The following TAFA2 variants were observed in gnomAD, a reference collection of about 807,000 sequenced individuals.
TAFA2 encodes chemokine-like protein TAFA-2.
A neutral mutation model predicts 18.8 loss-of-function variants in TAFA2; 7 were observed. The ratio of observed to expected loss-of-function variants is 0.37; its 90% CI spans 0.21 to 0.70. TAFA2 has a LOEUF of 0.70. Among genes scored for constraint, TAFA2 ranks in the 30% least tolerant of loss-of-function variants. The pLI, the probability that TAFA2 is intolerant of heterozygous loss-of-function variation, is 0.53. For synonymous variants in TAFA2, 60 were observed against 54.2 expected (o/e 1.11, Z -0.47); for missense variants, 122 against 158.1 (o/e 0.77, Z 1.23).
rs117256088 is a variant in TAFA2 at position 62,156,294 on chromosome 12, A to G, written c.-2+34965T>C. Among the ~76,000 whole-genome samples, 303 of 152,334 alleles carry G rather than the reference A, an allele frequency of 2.0e-3. 1 individual carries two copies. The highest frequency in any genetic ancestry group is 3.9e-3 in the Non-Finnish European group (267 of 68,026). On this transcript the variant is annotated intron_variant, in intron 1 of 4. Transcript: ENST00000416284. Reference sequence around the variant, plus strand: ...GTCCATAATCAAAACATCTAAAAACAGTAGATGTTGGTATGGATGCCGTGA... The same window carrying G: ...GTCCATAATCAAAACATCTAAAAACGGTAGATGTTGGTATGGATGCCGTGA...
intron 1 of TAFA2, among the ~76,000 whole-genome samples, chr12:62,055,565 T>C (rs918957573): frequency 7.9e-5 from 12 of 152,230 alleles, no homozygotes; most frequent in South Asian, 2.1e-4. Flanking sequence ...ACTAGAAAGA[T>C]TGAAAAAAAC....
chr12:61,881,846 A>G (rs562196734), intron 1 of TAFA2, among the ~76,000 whole-genome samples: 12 of 152,190 alleles, frequency 7.9e-5, no homozygotes, highest in African/African-American at 2.4e-4. Context: ...GTGTGGCTTC[A>G]GTTCGAAGCC....
chr12:62,035,909 T>C (rs1391228101), intron 1 of TAFA2, among the ~76,000 whole-genome samples: 1 of 151,376 alleles, frequency 6.6e-6, no homozygotes, highest in Non-Finnish European at 1.5e-5. Flanking sequence ...GCCCGGCTAA[T>C]TTTTGTATTT....
intron 4 of TAFA2, among the ~76,000 whole-genome samples, chr12:61,717,273 T>A (rs528523574): frequency 6.6e-6 from 1 of 152,330 alleles, no homozygotes; most frequent in East Asian, 1.9e-4. Flanking sequence ...GAAAGACACC[T>A]ATTGGTCTGG....
chr12:61,818,488 A>AAT (rs1555167831), intron 2 of TAFA2, among the ~76,000 whole-genome samples: 4 of 118,764 alleles, frequency 3.4e-5, no homozygotes, highest in African/African-American at 1.6e-4. Context: ...GTCTCAAAAA[A>AAT]ATACACACAC....
intron 1 of TAFA2, among the ~76,000 whole-genome samples, chr12:62,169,685 A>G (rs182975597): frequency 7.9e-5 from 12 of 152,120 alleles, no homozygotes; most frequent in African/African-American, 1.2e-4. Context: ...CCCTGTCGCT[A>G]CTAAAAATAC....
At chr12:61,718,846 C>T (rs1001955528) in intron 4 of TAFA2, among the ~76,000 whole-genome samples, 4 of 152,126 alleles carry the variant, frequency 2.6e-5, no homozygotes, top group African/African-American at 9.7e-5. Context: ...TCAAGAATCA[C>T]CAGTCTCACT....
intron 2 of TAFA2, among the ~76,000 whole-genome samples, chr12:61,822,391 A>G (rs1872357446): frequency 6.6e-6 from 1 of 152,168 alleles, no homozygotes; most frequent in African/African-American, 2.4e-5. Context: ...AAAGGAAACA[A>G]ATGATGTTGC....
At chr12:61,962,642 GA>G (rs1198660244) in intron 1 of TAFA2, among the ~76,000 whole-genome samples, 3 of 151,938 alleles carry the variant, frequency 2.0e-5, no homozygotes, top group African/African-American at 7.2e-5. Flanking sequence ...AAGAGTATAT[GA>G]AAAAAGTCAA....
intron 4 of TAFA2, among the ~76,000 whole-genome samples, chr12:61,717,564 T>C (rs1869716676): frequency 6.6e-6 from 1 of 152,200 alleles, no homozygotes; most frequent in Admixed American, 6.5e-5. Context: ...AGGATCAACA[T>C]TTCCACTAAA....
intron 1 of TAFA2, among the ~76,000 whole-genome samples, chr12:62,010,030 G>A (rs2136710935): frequency 6.6e-6 from 1 of 152,236 alleles, no homozygotes; most frequent in Non-Finnish European, 1.5e-5. Flanking sequence ...ATTTAAATGT[G>A]CCTAAGAAAC....
intron 2 of TAFA2, among the ~76,000 whole-genome samples, chr12:61,782,613 C>A (rs1485635441): frequency 3.3e-5 from 5 of 151,644 alleles, no homozygotes; most frequent in African/African-American, 1.2e-4. Context: ...ATGTCATGAG[C>A]CATTGTTCAC....
chr12:61,745,524 C>T (rs1325628014), intron 4 of TAFA2, among the ~76,000 whole-genome samples: 2 of 152,104 alleles, frequency 1.3e-5, no homozygotes, highest in Non-Finnish European at 2.9e-5. Flanking sequence ...TGCAAACTCC[C>T]TTGCTCAGCA....
chr12:61,919,702 T>C (rs1356800160), intron 1 of TAFA2, among the ~76,000 whole-genome samples: 1 of 151,684 alleles, frequency 6.6e-6, no homozygotes, highest in East Asian at 1.9e-4. Flanking sequence ...TATACTTATG[T>C]TTTATTTCAT....
At chr12:61,794,810 A>C (rs1873259537) in intron 2 of TAFA2, among the ~76,000 whole-genome samples, 1 of 152,162 alleles carries the variant, frequency 6.6e-6, no homozygotes, top group Non-Finnish European at 1.5e-5. Context: ...CAATGGGAAA[A>C]AATTTTTGCA....
chr12:61,797,435 T>C (rs1356920239), intron 2 of TAFA2, among the ~76,000 whole-genome samples: 1 of 151,840 alleles, frequency 6.6e-6, no homozygotes, highest in Non-Finnish European at 1.5e-5. Flanking sequence ...CCCCAAACAG[T>C]CCCGGGATAC....
At chr12:62,172,691 C>A (rs1160989153) in intron 1 of TAFA2, among the ~76,000 whole-genome samples, 1 of 152,154 alleles carries the variant, frequency 6.6e-6, no homozygotes, top group African/African-American at 2.4e-5. Context: ...GTAAAATGCT[C>A]AGTATAAACA....
At chr12:61,768,522 G>C (rs1022355822) in intron 2 of TAFA2, among the ~76,000 whole-genome samples, 6 of 152,096 alleles carry the variant, frequency 3.9e-5, no homozygotes, top group African/African-American at 1.4e-4. Context: ...CAAAGTGTGA[G>C]GGGGAAGGTC....
chr12:61,783,292 T>C (rs1013504130), intron 2 of TAFA2, among the ~76,000 whole-genome samples: 1 of 151,740 alleles, frequency 6.6e-6, no homozygotes, highest in Non-Finnish European at 1.5e-5. Flanking sequence ...TGTTGAATAA[T>C]GCTTCCTTGT....
Sources: gnomAD v4.1 joint callset for allele counts (sites outside exome capture counted in the v4.1 genomes callset) on GRCh38, gnomAD v4.1.1 for gene constraint, MANE v1.5 for transcripts, NCBI Gene and HGNC (gene_info 2026-07-23, HGNC 2026-07-21) for gene names.